PCDHGA3: variants seen among roughly 807,000 people sequenced by gnomAD.
PCDHGA3 encodes protocadherin gamma-A3.
A neutral mutation model predicts 58.5 loss-of-function variants in PCDHGA3; 40 were observed. That is an observed-to-expected ratio of 0.68 (90% confidence interval 0.53 to 0.89). PCDHGA3 has a LOEUF of 0.89. Among genes scored for constraint, PCDHGA3 ranks in the 40% least tolerant of loss-of-function variants. The pLI is 0.00. For missense variants in PCDHGA3, 1,223 were observed against 1,195.9 expected (o/e 1.02, Z -0.33); for synonymous variants, 530 against 525.7 (o/e 1.01, Z -0.11).
chr5:141,384,237 C>T, intron 1 of PCDHGA3: 2 of 1,613,888 alleles, frequency 1.2e-6, no homozygotes, highest in East Asian at 2.2e-5. Flanking sequence ...CAGACACCAA[C>T]GATAACCCAC....
At chr5:141,384,331 G>C (rs376216978) in intron 1 of PCDHGA3, 1 of 1,613,728 alleles carries the variant, frequency 6.2e-7, no homozygotes, top group Non-Finnish European at 8.5e-7. Flanking sequence ...GACTGCACAG[G>C]ACCACGACAG....
intron 1 of PCDHGA3, chr5:141,412,214 A>G (rs1196919276): frequency 6.6e-6 from 1 of 152,196 alleles, no homozygotes; most frequent in African/African-American, 2.4e-5. Context: ...TGACATAAAC[A>G]CTTACTTGTT....
intron 1 of PCDHGA3, chr5:141,352,693 AATTTTATAT>A (rs1481590052): frequency 3.9e-6 from 6 of 1,556,420 alleles, no homozygotes; most frequent in African/African-American, 2.7e-5. Context: ...AATCTAGTTA[AATTTTATAT>A]ATGGCGGCCG....
Position 141,511,225 on chromosome 5 carries a change from C to A in PCDHGA3, c.*52C>A. ...GGCGGCCTCTCCCCAACCAGCCCAG[C>A]TTCTCCTTACCTGCACCCAGGCCTC... On this transcript the variant is annotated 3_prime_UTR_variant, in exon 4 of 4. Transcript: ENST00000253812. The A allele has an allele frequency of 6.2e-7, 1 of 1,601,624 alleles. No individual in the cohort carries two copies. Among genetic ancestry groups the A allele is most frequent in the Non-Finnish European group, 8.5e-7 (1 of 1,174,162 alleles).
At chr5:141,370,663 T>C (rs1319897209) in intron 1 of PCDHGA3, 1 of 1,613,900 alleles carries the variant, frequency 6.2e-7, no homozygotes, top group East Asian at 2.2e-5. Flanking sequence ...AGCGACCGTA[T>C]AGACCGAGAG....
At chr5:141,418,278 T>C (rs2096243624) in intron 1 of PCDHGA3, 1 of 1,613,954 alleles carries the variant, frequency 6.2e-7, no homozygotes, top group East Asian at 2.2e-5. Context: ...GAAATAAACT[T>C]AGAAATCAGT....
At chr5:141,462,584 A>C (rs959398950) in intron 1 of PCDHGA3, among the ~76,000 whole-genome samples, 1 of 152,124 alleles carries the variant, frequency 6.6e-6, no homozygotes, top group African/African-American at 2.4e-5. Context: ...CATCCAGTGA[A>C]GTTTCCATTT....
At chr5:141,390,039 C>A (rs2092026934) in intron 1 of PCDHGA3, 2 of 1,614,048 alleles carry the variant, frequency 1.2e-6, no homozygotes, top group Non-Finnish European at 1.7e-6. Flanking sequence ...CTCCTCCAGC[C>A]CCGCCTCCTG....
rs776374898 is a variant in PCDHGA3, at chr5:141,414,958, G to A, written c.2424+68501G>A. ...AGAGCCCGGCTACCTGGTGACCAAG[G>A]TGGTGGCGGTGGACAGAGACTCCGG... On this transcript the variant is annotated intron_variant, in intron 1 of 3. Coordinates refer to ENST00000253812, the MANE Select transcript of PCDHGA3 (RefSeq NM_018916.4). The A allele has an allele frequency of 3.7e-6, 6 of 1,614,024 alleles. No homozygotes were observed. The South Asian group carries it at 4.4e-5, about 12-fold the overall frequency.
chr5:141,494,844 C>T lies in PCDHGA3; in HGVS notation c.2462C>T (p.Ala821Val). The change falls in exon 2 of 4, where the codon GCC becomes GTC. Residue 821 changes from alanine to valine, a missense_variant. Ala to Val is a moderately conservative substitution (Grantham distance 64). This residue lies in a region of PCDHGA3 where 325 missense variants were observed against 327.5 expected (regional missense o/e 0.99). Coordinates refer to ENST00000253812, the MANE Select transcript of PCDHGA3 (RefSeq NM_018916.4). ...PPNTDWRFSQ[A>V]QRPGTSGSQN... The stretch of plus-strand genomic sequence containing the variant: ...AACACGGACTGGCGTTTCTCTCAGG[C>T]CCAGAGACCCGGCACCAGCGGGTAG... The T allele has an allele frequency of 6.2e-7, 1 of 1,614,190 alleles. No homozygotes were observed. The highest frequency in any genetic ancestry group is 8.5e-7 in the Non-Finnish European group (1 of 1,180,028).
At chr5:141,498,346 C>T (rs780832000) in intron 2 of PCDHGA3, among the ~76,000 whole-genome samples, 1 of 150,796 alleles carries the variant, frequency 6.6e-6, no homozygotes, top group Non-Finnish European at 1.5e-5. Context: ...ATGGGAAAAG[C>T]CTATGCAAAA....
At chr5:141,473,511 C>T (rs952034051) in intron 1 of PCDHGA3, among the ~76,000 whole-genome samples, 23 of 152,108 alleles carry the variant, frequency 1.5e-4, no homozygotes, top group Non-Finnish European at 3.1e-4. Flanking sequence ...GAGAGCATAA[C>T]AAAGGATCCT....
rs570765907 is a variant in PCDHGA3, at chr5:141,414,583, G to T, written c.2424+68126G>T. The T allele has an allele frequency of 5.6e-6, 9 of 1,613,854 alleles. No individual in the cohort carries two copies. In the South Asian group the frequency reaches 8.8e-5, roughly 16 times the overall value. On this transcript the variant is annotated intron_variant, in intron 1 of 3. Coordinates refer to ENST00000253812, the MANE Select transcript of PCDHGA3 (RefSeq NM_018916.4). Reference sequence around the variant, plus strand: ...CTTTACCTATATCCCAGAGAACAACGCCAGGGGTGCCTCCATCTTCTCAGT... The same window carrying T: ...CTTTACCTATATCCCAGAGAACAACTCCAGGGGTGCCTCCATCTTCTCAGT...
At chr5:141,467,185 TG>T (rs1295935271) in intron 1 of PCDHGA3, among the ~76,000 whole-genome samples, 1 of 152,004 alleles carries the variant, frequency 6.6e-6, no homozygotes, top group African/African-American at 2.4e-5. Context: ...CCCAAGTAGC[TG>T]GGATTACAGG....
intron 1 of PCDHGA3, chr5:141,411,407 A>G (rs2154543610): frequency 6.6e-6 from 1 of 151,868 alleles, no homozygotes; most frequent in East Asian, 1.9e-4. Context: ...CCCCATCTCT[A>G]CTAAAACAAC....
chr5:141,350,590 A>G lies in PCDHGA3; in HGVS notation c.2424+4133A>G, dbSNP rs1362989593. On this transcript the variant is annotated intron_variant, in intron 1 of 3. Transcript: ENST00000253812. The stretch of plus-strand genomic sequence containing the variant: ...AATTCGAAACGGTCGCTGAAAACCC[A>G]ATGAATGTTTTCCACGTGGTTGTTG... The G allele has an allele frequency of 3.7e-6, 6 of 1,613,902 alleles. No homozygotes were observed. In the African/African-American group the frequency reaches 6.7e-5, roughly 18 times the overall value.
intron 1 of PCDHGA3, chr5:141,418,028 A>C (rs767425160): frequency 1.2e-6 from 2 of 1,613,970 alleles, no homozygotes; most frequent in East Asian, 4.5e-5. Context: ...TCTAGGGCTT[A>C]GTGTCCTGGA....
chr5:141,399,241 T>C, intron 1 of PCDHGA3: 3 of 1,613,950 alleles, frequency 1.9e-6, no homozygotes, highest in South Asian at 1.1e-5. Flanking sequence ...TGACCAAGAT[T>C]CTGGGGAAAA....
intron 1 of PCDHGA3, chr5:141,395,406 G>C (rs923158895): frequency 1.2e-6 from 1 of 833,442 alleles, no homozygotes; most frequent in Non-Finnish European, 1.8e-6. Flanking sequence ...AATAGTCATA[G>C]GTTATTGTTT....
Sources: gnomAD v4.1 joint callset for allele counts (sites outside exome capture counted in the v4.1 genomes callset) on GRCh38, gnomAD v4.1.1 for gene constraint, gnomAD v4.1.1 regional missense constraint, MANE v1.5 for transcripts, NCBI Gene and HGNC (gene_info 2026-07-23, HGNC 2026-07-21) for gene names.